MGAT4C: variants seen among roughly 807,000 people sequenced by gnomAD.
MGAT4C encodes the protein alpha-1,3-mannosyl-glycoprotein 4-beta-N-acetylglucosaminyltransferase C.
A neutral mutation model predicts 40.1 loss-of-function variants in MGAT4C; 19 were observed. That is an observed-to-expected ratio of 0.47 (90% CI 0.33 to 0.70). The LOEUF (loss-of-function observed/expected upper bound fraction) is 0.70, where lower values mean the gene tolerates loss of function less well. MGAT4C is among the 30% of genes least tolerant of loss of function. The pLI is 0.02. For synonymous variants in MGAT4C, 181 were observed against 187.1 expected, an observed-to-expected ratio of 0.97 and a Z score of 0.27; for missense variants, 491 against 563.2, an observed-to-expected ratio of 0.87 and a Z score of 1.30.
chr12:86,150,980 C>T (rs985463813), intron 1 of MGAT4C, among the ~76,000 whole-genome samples: 1 of 152,150 alleles, frequency 6.6e-6, no homozygotes, highest in African/African-American at 2.4e-5. Flanking sequence ...TGCAAGCATG[C>T]AATGCCAGTG....
chr12:86,794,911 G>A (rs927027308), intron 1 of MGAT4C, among the ~76,000 whole-genome samples: 3 of 151,656 alleles, frequency 2.0e-5, no homozygotes, highest in Non-Finnish European at 3.0e-5. Flanking sequence ...AAAATCAGCA[G>A]TATTCTATAA....
chr12:86,201,090 C>T (rs1950032196), intron 1 of MGAT4C, among the ~76,000 whole-genome samples: 1 of 152,146 alleles, frequency 6.6e-6, no homozygotes, highest in Non-Finnish European at 1.5e-5. Flanking sequence ...TTATGAAAGC[C>T]CTAGTAGACT....
At chr12:86,282,737 C>T (rs1023520622) in intron 4 of MGAT4C, among the ~76,000 whole-genome samples, 6 of 151,896 alleles carry the variant, frequency 4.0e-5, no homozygotes, top group Non-Finnish European at 7.4e-5. Context: ...TATTTCCAGT[C>T]CTGTTTTTCA....
At chr12:86,213,866 T>C (rs1451999522) in intron 1 of MGAT4C, among the ~76,000 whole-genome samples, 1 of 152,226 alleles carries the variant, frequency 6.6e-6, no homozygotes, top group Non-Finnish European at 1.5e-5. Flanking sequence ...TTTCTGTATC[T>C]TTATGTGACT....
At chr12:86,051,647 AAG>A (rs1442969308) in intron 1 of MGAT4C, among the ~76,000 whole-genome samples, 1 of 151,646 alleles carries the variant, frequency 6.6e-6, no homozygotes, top group Non-Finnish European at 1.5e-5. Context: ...TAGGTAGAAA[AAG>A]AGTATGAATG....
Position 86,157,898 on chromosome 12 carries a change from G to A in MGAT4C, c.-57+98341C>T, listed in dbSNP as rs1339686660. 5.3e-5 allele frequency among the ~76,000 whole-genome samples: 8 copies of A among 152,202 alleles called. No individual in the cohort carries two copies. The East Asian group carries it at 1.5e-3, about 29-fold the overall frequency. ...GATTATAATTCCAGATGAGATTTGG[G>A]TGAGGACACAGAGCCAACCATATCA... is the stretch of plus-strand genomic sequence containing the variant. On this transcript the variant is annotated intron_variant, in intron 1 of 4. Coordinates refer to ENST00000611864, the MANE Select transcript of MGAT4C (RefSeq NM_001351288.2).
At chr12:85,986,659 CA>C (rs1480551470) in intron 3 of MGAT4C, among the ~76,000 whole-genome samples, 4 of 152,052 alleles carry the variant, frequency 2.6e-5, no homozygotes, top group African/African-American at 9.7e-5. Flanking sequence ...TACTATTTCC[CA>C]GTTTTTAAAA....
intron 1 of MGAT4C, among the ~76,000 whole-genome samples, chr12:86,774,327 C>CTTTCTT (rs1565981574): frequency 2.9e-5 from 3 of 102,610 alleles, no homozygotes; most frequent in Admixed American, 1.2e-4. Context: ...TTCTTTCTTT[C>CTTTCTT]TTTCTTTCTT....
intron 1 of MGAT4C, among the ~76,000 whole-genome samples, chr12:86,765,717 T>C (rs1459627294): frequency 6.6e-6 from 1 of 152,184 alleles, no homozygotes; most frequent in East Asian, 1.9e-4. Context: ...ATATTCAACA[T>C]TCTTAAAGAA....
At chr12:86,388,796 C>G (rs1956111851) in intron 3 of MGAT4C, among the ~76,000 whole-genome samples, 1 of 150,992 alleles carries the variant, frequency 6.6e-6, no homozygotes, top group Non-Finnish European at 1.5e-5. Context: ...ATTCTTCTGC[C>G]TCAGCTTCCT....
At chr12:86,772,989 G>A (rs900966047) in intron 1 of MGAT4C, among the ~76,000 whole-genome samples, 1 of 152,044 alleles carries the variant, frequency 6.6e-6, no homozygotes, top group East Asian at 1.9e-4. Context: ...GCTGGGATGG[G>A]GTGAATGTAT....
chr12:86,281,823 GT>G (rs1225436492), intron 4 of MGAT4C, among the ~76,000 whole-genome samples: 1 of 151,902 alleles, frequency 6.6e-6, no homozygotes, highest in Non-Finnish European at 1.5e-5. Flanking sequence ...TATTTTGCCT[GT>G]TTTTTGTGAA....
intron 1 of MGAT4C, among the ~76,000 whole-genome samples, chr12:86,781,851 T>C (rs891740267): frequency 6.6e-6 from 1 of 152,196 alleles, no homozygotes; most frequent in African/African-American, 2.4e-5. Flanking sequence ...TGTAGGTTTG[T>C]ATAGAATTGT....
chr12:86,108,292 C>T (rs1044740112), intron 1 of MGAT4C, among the ~76,000 whole-genome samples: 2 of 152,092 alleles, frequency 1.3e-5, no homozygotes, highest in Non-Finnish European at 1.5e-5. Flanking sequence ...ACAGAAGATA[C>T]TCTTTGTAAC....
At chr12:86,372,824 T>C (rs754449220) in intron 3 of MGAT4C, among the ~76,000 whole-genome samples, 3 of 151,876 alleles carry the variant, frequency 2.0e-5, no homozygotes, top group Non-Finnish European at 4.4e-5. Flanking sequence ...TAAACACTTT[T>C]GTCACTAGAT....
intron 2 of MGAT4C, among the ~76,000 whole-genome samples, chr12:86,686,370 T>A (rs1192961980): frequency 6.6e-6 from 1 of 152,154 alleles, no homozygotes; most frequent in African/African-American, 2.4e-5. Context: ...CTTCCAATAC[T>A]ATGTTGAATA....
chr12:86,598,297 TAAACTC>T (rs1477010439), intron 2 of MGAT4C, among the ~76,000 whole-genome samples: 1 of 152,128 alleles, frequency 6.6e-6, no homozygotes, highest in Non-Finnish European at 1.5e-5. Flanking sequence ...TATCATAAAA[TAAACTC>T]AAAGTATACT....
intron 1 of MGAT4C, among the ~76,000 whole-genome samples, chr12:86,811,714 T>C (rs1219047826): frequency 6.6e-6 from 1 of 151,436 alleles, no homozygotes; most frequent in Non-Finnish European, 1.5e-5. Context: ...ACAATTTGTG[T>C]TTTCTTTTAT....
chr12:86,218,523 TA>T (rs1950757432), intron 1 of MGAT4C, among the ~76,000 whole-genome samples: 1 of 152,174 alleles, frequency 6.6e-6, no homozygotes, highest in Admixed American at 6.5e-5. Flanking sequence ...TGTGAAATAA[TA>T]AGTAATGCTA....
Sources: gnomAD v4.1 joint callset for allele counts (sites outside exome capture counted in the v4.1 genomes callset) on GRCh38, gnomAD v4.1.1 for gene constraint, MANE v1.5 for transcripts, NCBI Gene and HGNC (gene_info 2026-07-23, HGNC 2026-07-21) for gene names.